The following PTPRD variants were observed in gnomAD, a reference collection of about 807,000 sequenced individuals.
PTPRD encodes the protein protein tyrosine phosphatase receptor type D, also known as receptor-type tyrosine-protein phosphatase delta.
Under a neutral mutation model 214.5 loss-of-function variants are expected in PTPRD, and 34 were observed. That is an observed-to-expected ratio of 0.16 (90% confidence interval 0.12 to 0.21). The LOEUF (loss-of-function observed/expected upper bound fraction) is 0.21, where lower values mean the gene tolerates loss of function less well. Among genes scored for constraint, PTPRD ranks in the 10% least tolerant of loss-of-function variants. PTPRD has a pLI of 1.00. For missense variants in PTPRD, 2,545 were observed against 2,398.7 expected, an observed-to-expected ratio of 1.06 and a Z score of -1.27; for synonymous variants, 1,128 against 845.7, an observed-to-expected ratio of 1.33 and a Z score of -5.79.
At chr9:10,455,081 G>A (rs2098898447) in intron 2 of PTPRD, among the ~76,000 whole-genome samples, 1 of 151,632 alleles carries the variant, frequency 6.6e-6, no homozygotes, top group African/African-American at 2.4e-5. Context: ...TTATCACCTT[G>A]TTATTGGTTT....
In PTPRD at chr9:10,143,191, G is replaced by T. The variant is rs571314022; in HGVS notation, c.-544-109401C>A. 3.3e-5 allele frequency among the ~76,000 whole-genome samples: 5 copies of T among 152,158 alleles called. No homozygotes were observed. The South Asian group carries it at 1.0e-3, about 32-fold the overall frequency. The stretch of plus-strand genomic sequence containing the variant: ...CTAATGCTAGATGACGAGTTAGTGG[G>T]TGCAGCGCACCGGCATGGCACATGT... On this transcript the variant is annotated intron_variant, in intron 3 of 45. Coordinates refer to ENST00000381196, the MANE Select transcript of PTPRD (RefSeq NM_002839.4).
At chr9:8,687,064 C>G (rs7021582) in intron 12 of PTPRD, among the ~76,000 whole-genome samples, 1,966 of 152,282 alleles carry the variant, frequency 0.013, 36 homozygotes, top group African/African-American at 0.045. Flanking sequence ...ACCTTTCATA[C>G]CATTCCAAAG....
rs561423380 is a variant in PTPRD at position 9,488,922 on chromosome 9, C to G, written c.-237+85810G>C. 5.3e-5 allele frequency among the ~76,000 whole-genome samples: 8 copies of G among 152,178 alleles called. No homozygotes were observed. In the South Asian group the frequency reaches 1.5e-3, roughly 28 times the overall value. ...ACCCCATTCTCCAAATATATGGGAT[C>G]TTTGCTTGGATTGCTGATTGCTGCT... On this transcript the variant is annotated intron_variant, in intron 8 of 45. Transcript: ENST00000381196.
chr9:9,084,115 G>A (rs1475050020), intron 10 of PTPRD, among the ~76,000 whole-genome samples: 3 of 152,180 alleles, frequency 2.0e-5, no homozygotes, highest in East Asian at 3.8e-4. Context: ...TATGTTTATT[G>A]CAGCACTATC....
intron 4 of PTPRD, among the ~76,000 whole-genome samples, chr9:9,983,905 C>G (rs969031290): frequency 1.3e-5 from 2 of 152,100 alleles, no homozygotes; most frequent in African/African-American, 4.8e-5. Context: ...TAGTATCATT[C>G]TCTTCCCAGC....
intron 8 of PTPRD, among the ~76,000 whole-genome samples, chr9:9,427,466 G>A (rs867311841): frequency 6.6e-6 from 1 of 152,130 alleles, no homozygotes; most frequent in African/African-American, 2.4e-5. Context: ...CAGGGAGAAT[G>A]GAACCAAGTT....
At chr9:9,884,969 G>C (rs940100422) in intron 5 of PTPRD, among the ~76,000 whole-genome samples, 1 of 152,044 alleles carries the variant, frequency 6.6e-6, no homozygotes, top group Non-Finnish European at 1.5e-5. Flanking sequence ...TGTGAGAACG[G>C]ACTAATACAA....
chr9:8,812,808 T>C (rs988087801), intron 11 of PTPRD, among the ~76,000 whole-genome samples: 2 of 151,430 alleles, frequency 1.3e-5, no homozygotes, highest in East Asian at 1.9e-4. Context: ...CTCAGAAACA[T>C]TGTTTAGAAA....
intron 5 of PTPRD, among the ~76,000 whole-genome samples, chr9:9,889,127 G>T: frequency 6.6e-6 from 1 of 152,104 alleles, no homozygotes. Context: ...GGTTGGGGGT[G>T]GTGGAGGAAG....
intron 3 of PTPRD, among the ~76,000 whole-genome samples, chr9:10,154,997 T>C (rs572307711): frequency 6.6e-6 from 1 of 152,160 alleles, no homozygotes; most frequent in South Asian, 2.1e-4. Flanking sequence ...TAATTGGTAG[T>C]TTCATAATAA....
intron 14 of PTPRD, among the ~76,000 whole-genome samples, chr9:8,552,296 G>A (rs775542121): frequency 2.0e-5 from 3 of 152,208 alleles, no homozygotes; most frequent in Non-Finnish European, 4.4e-5. Flanking sequence ...ATCATTGTAT[G>A]GTTTGGCGGT....
intron 11 of PTPRD, among the ~76,000 whole-genome samples, chr9:8,915,065 C>A (rs186852927): frequency 6.6e-6 from 1 of 152,102 alleles, no homozygotes; most frequent in East Asian, 1.9e-4. Context: ...GCTAAGAAAG[C>A]TCTCTAAGAG....
intron 32 of PTPRD, 22 bp from the exon 33 acceptor site, chr9:8,460,593 T>C (rs1284784121): frequency 6.3e-7 from 1 of 1,599,496 alleles, no homozygotes; most frequent in Non-Finnish European, 8.5e-7. Context: ...CAGAGTCTAT[T>C]TCAGTTATAA....
intron 2 of PTPRD, among the ~76,000 whole-genome samples, chr9:10,470,660 C>T (rs1231559942): frequency 6.6e-6 from 1 of 151,986 alleles, no homozygotes; most frequent in Non-Finnish European, 1.5e-5. Context: ...TGGCTTTACC[C>T]TTTGGTTAAT....
At chr9:9,163,763 T>A (rs967922946) in intron 10 of PTPRD, among the ~76,000 whole-genome samples, 1 of 152,200 alleles carries the variant, frequency 6.6e-6, no homozygotes, top group African/African-American at 2.4e-5. Context: ...AGCAGCCTCA[T>A]AACTTGACAG....
rs550055507 is a variant in PTPRD, at chr9:9,091,026, C to T, written c.-142-72291G>A. Reference sequence around the variant, plus strand: ...CCATTAAGAAATTCGTCATTCGAAACATAGTGGAGGCCGCAGCAGTCAGGG... The same window carrying T: ...CCATTAAGAAATTCGTCATTCGAAATATAGTGGAGGCCGCAGCAGTCAGGG... On this transcript the variant is annotated intron_variant, in intron 10 of 45. Coordinates refer to ENST00000381196, the MANE Select transcript of PTPRD (RefSeq NM_002839.4). The T allele has an allele frequency of 1.0e-4, 160 of 1,562,960 alleles. No homozygotes were observed. The African/African-American group carries it at 2.0e-3, about 20-fold the overall frequency.
At chr9:10,024,803 C>T (rs2096890529) in intron 4 of PTPRD, among the ~76,000 whole-genome samples, 1 of 128,150 alleles carries the variant, frequency 7.8e-6, no homozygotes, top group African/African-American at 3.0e-5. Context: ...ACAACAGGCC[C>T]CAGTGTGTGA....
chr9:8,997,324 C>T (rs1214199420), intron 11 of PTPRD, among the ~76,000 whole-genome samples: 1 of 152,042 alleles, frequency 6.6e-6, no homozygotes. Flanking sequence ...CTATCGACAC[C>T]ATTTTCTCAA....
intron 3 of PTPRD, among the ~76,000 whole-genome samples, chr9:10,097,497 G>A (rs1024669918): frequency 5.9e-5 from 9 of 151,402 alleles, no homozygotes; most frequent in African/African-American, 2.2e-4. Context: ...TCTCTTTGAA[G>A]CAATTGTGAA....
Sources: allele counts gnomAD v4.1 joint callset (sites outside exome capture counted in the v4.1 genomes callset), GRCh38; gene constraint gnomAD v4.1.1; transcripts MANE v1.5; gene names NCBI Gene and HGNC (gene_info 2026-07-23, HGNC 2026-07-21).